The following WDR1 variants were observed in gnomAD, a reference collection of about 807,000 sequenced individuals.
The protein encoded by WDR1 is WD repeat domain 1, also known as WD repeat-containing protein 1.
In WDR1, 21 loss-of-function variants were observed where a neutral mutation model predicts 71.9. That is an observed-to-expected ratio of 0.29 (90% confidence interval 0.21 to 0.42). WDR1 has a LOEUF of 0.42. Among genes scored for constraint, WDR1 ranks in the 10% least tolerant of loss-of-function variants. WDR1 has a pLI of 1.00. For synonymous variants in WDR1, 424 were observed against 347.4 expected (o/e 1.22, Z -2.45); for missense variants, 696 against 824.5 (o/e 0.84, Z 1.91).
intron 10 of WDR1, among the ~76,000 whole-genome samples, chr4:10,082,413 G>A (rs190370732): frequency 6.6e-6 from 1 of 152,286 alleles, no homozygotes; most frequent in Admixed American, 6.5e-5. Context: ...CTGGGCATGG[G>A]GACACTGGAT....
At chr4:10,112,683 C>G (rs898506868) in intron 2 of WDR1, among the ~76,000 whole-genome samples, 2 of 152,148 alleles carry the variant, frequency 1.3e-5, no homozygotes, top group South Asian at 4.1e-4. Flanking sequence ...AATTTAGGTC[C>G]GGCAATCTAC....
At chr4:10,096,314 A>C (rs538598205) in intron 5 of WDR1, 1 of 152,364 alleles carries the variant, frequency 6.6e-6, no homozygotes, top group East Asian at 1.9e-4. Context: ...CAGCTGACTC[A>C]GCATTACTCA....
intron 2 of WDR1, among the ~76,000 whole-genome samples, chr4:10,115,366 A>C (rs1250221465): frequency 6.6e-6 from 1 of 152,248 alleles, no homozygotes; most frequent in Non-Finnish European, 1.5e-5. Flanking sequence ...AAGCCTTTTC[A>C]GCCTGGGTAC....
intron 5 of WDR1, chr4:10,096,124 C>T (rs1712338455): frequency 6.6e-6 from 1 of 152,336 alleles, no homozygotes; most frequent in Non-Finnish European, 1.5e-5. Flanking sequence ...CCAGCCCACC[C>T]CTGGAACAAA....
Position 10,116,700 on chromosome 4 carries a change from A to G in WDR1, c.-34T>C. On this transcript the variant is annotated 5_prime_UTR_variant, in exon 1 of 15. Coordinates refer to ENST00000499869, the MANE Select transcript of WDR1 (RefSeq NM_017491.5). ...ACTTGTTACCGCGCCGCGCTCGCCG[A>G]GAGCCTCCGGGGCCGGCCCGCGCTG... 7.4e-7 allele frequency: 1 copy of G among 1,349,554 alleles called. No homozygotes were observed. The highest frequency in any genetic ancestry group is 9.6e-7 in the Non-Finnish European group (1 of 1,043,264). 83.6% of individuals were successfully genotyped at this position (1,349,554 alleles called of 1,614,324 possible).
intron 4 of WDR1, among the ~76,000 whole-genome samples, chr4:10,098,292 T>C (rs1234520316): frequency 6.6e-6 from 1 of 152,220 alleles, no homozygotes; most frequent in Non-Finnish European, 1.5e-5. Context: ...TTTTAGTTAC[T>C]ATTTGCTACT....
At chr4:10,108,717 A>G (rs967276885) in intron 2 of WDR1, among the ~76,000 whole-genome samples, 1 of 152,216 alleles carries the variant, frequency 6.6e-6, no homozygotes, top group Non-Finnish European at 1.5e-5. Context: ...CCTCAGCTCC[A>G]AAGCAGGAAT....
At position 10,106,842 on chromosome 4, in the gene WDR1, C is replaced by T. The variant is rs1031589516; in HGVS notation, c.139-2856G>A. The stretch of plus-strand genomic sequence containing the variant: ...GCCTCCTCCCCAGCTCCTCAGCTCG[C>T]AGAGGGAGGCTGCTTACTACACCCA... On this transcript the variant is annotated intron_variant, in intron 2 of 14. Coordinates refer to ENST00000499869, the MANE Select transcript of WDR1 (RefSeq NM_017491.5). 6.6e-5 allele frequency among the ~76,000 whole-genome samples: 10 copies of T among 152,208 alleles called. No homozygotes were observed. In the East Asian group the frequency reaches 1.9e-3, roughly 29 times the overall value.
intron 2 of WDR1, among the ~76,000 whole-genome samples, chr4:10,106,066 A>G (rs778323124): frequency 6.9e-6 from 1 of 143,954 alleles, no homozygotes; most frequent in Non-Finnish European, 1.5e-5. Context: ...GGCAACCCCA[A>G]TGACAGAAAG....
intron 2 of WDR1, among the ~76,000 whole-genome samples, chr4:10,110,463 C>T (rs1395027734): frequency 1.3e-5 from 2 of 152,214 alleles, no homozygotes; most frequent in Non-Finnish European, 2.9e-5. Flanking sequence ...AAGAAATGTA[C>T]CAAAAGCAAC....
chr4:10,075,677 G>A (rs968362898), intron 14 of WDR1, 193 bp from the exon 15 acceptor site: 81 of 604,998 alleles, frequency 1.3e-4, no homozygotes, highest in East Asian at 2.2e-4. Flanking sequence ...CCTGAACCCC[G>A]GGGCCGGGTA....
intron 5 of WDR1, among the ~76,000 whole-genome samples, chr4:10,090,177 T>G (rs1711878894): frequency 6.6e-6 from 1 of 152,148 alleles, no homozygotes; most frequent in South Asian, 2.1e-4. Flanking sequence ...AGAGAATAAA[T>G]TTCCATTGTT....
intron 2 of WDR1, 143 bp from the exon 3 acceptor site, chr4:10,104,129 C>A: frequency 1.2e-6 from 1 of 813,376 alleles, no homozygotes; most frequent in South Asian, 1.5e-5. Flanking sequence ...AGAAGCATAC[C>A]ACTTGCCTAC....
rs370525783 is a variant in WDR1 at position 10,089,202 on chromosome 4, G to A, written c.559-461C>T. 7.9e-5 allele frequency among the ~76,000 whole-genome samples: 12 copies of A among 152,310 alleles called. No individual in the cohort carries two copies. In the East Asian group the frequency reaches 1.5e-3, roughly 20 times the overall value. ...CTGCTCACTACAAGCTCCGCCTCCCGGGTTCACGCCATTCTCCTGCCTCAG... is the reference window on the plus strand; with the variant it reads ...CTGCTCACTACAAGCTCCGCCTCCCAGGTTCACGCCATTCTCCTGCCTCAG... On this transcript the variant is annotated intron_variant, in intron 5 of 14. Transcript: ENST00000499869.
At position 10,083,287 on chromosome 4, in the gene WDR1, A is replaced by C. The variant is rs1765086535; in HGVS notation, c.1040-109T>G. On this transcript the variant is annotated intron_variant, in intron 9 of 14. Coordinates refer to ENST00000499869, the MANE Select transcript of WDR1 (RefSeq NM_017491.5). ...ACATCAAGAATGAGAATCTCGCCGC[A>C]AACGGACATAACCATTCCCCCTGGG... The C allele has an allele frequency of 3.7e-6, 5 of 1,360,660 alleles. No individual in the cohort carries two copies. In the South Asian group the frequency reaches 4.2e-5, roughly 11 times the overall value. The allele number at this position is 1,360,660 out of a possible 1,614,324, so 84.3% of individuals were successfully genotyped here.
intron 2 of WDR1, among the ~76,000 whole-genome samples, chr4:10,105,267 C>G (rs953561887): frequency 1.3e-5 from 2 of 152,204 alleles, no homozygotes; most frequent in Non-Finnish European, 2.9e-5. Flanking sequence ...TCCATCTCCT[C>G]CAACTCTGCT....
chr4:10,079,999 G>A (rs1180157080), intron 11 of WDR1, among the ~76,000 whole-genome samples: 2 of 152,142 alleles, frequency 1.3e-5, no homozygotes, highest in Admixed American at 6.5e-5. Context: ...GTGACAGGGA[G>A]CTCTGCAGAA....
intron 5 of WDR1, 21 bp downstream of exon 5, chr4:10,097,690 C>A: frequency 6.3e-7 from 1 of 1,599,326 alleles, no homozygotes; most frequent in Non-Finnish European, 8.5e-7. Context: ...CAAATTTCAC[C>A]CAAAAAGTAA....
At chr4:10,109,900 A>C (rs1713246818) in intron 2 of WDR1, among the ~76,000 whole-genome samples, 1 of 152,260 alleles carries the variant, frequency 6.6e-6, no homozygotes, top group African/African-American at 2.4e-5. Context: ...GCCAGGGCCC[A>C]GACAACCTTC....
Sources: gnomAD v4.1 joint callset for allele counts (sites outside exome capture counted in the v4.1 genomes callset) on GRCh38, gnomAD v4.1.1 for gene constraint, MANE v1.5 for transcripts, NCBI Gene and HGNC (gene_info 2026-07-23, HGNC 2026-07-21) for gene names.